The following SKAP1 variants were observed in gnomAD, a reference collection of about 807,000 sequenced individuals.
SKAP1 encodes src kinase-associated phosphoprotein 1.
A neutral mutation model predicts 58.5 loss-of-function variants in SKAP1; 44 were observed. The ratio of observed to expected loss-of-function variants is 0.75; its 90% CI spans 0.59 to 0.97. SKAP1 has a LOEUF of 0.97. Among genes scored for constraint, SKAP1 ranks in the 50% least tolerant of loss-of-function variants. SKAP1 has a pLI of 0.00. For synonymous variants in SKAP1, 127 were observed against 149.7 expected (o/e 0.85, Z 1.11); for missense variants, 390 against 435.2 (o/e 0.90, Z 0.92).
intron 4 of SKAP1, among the ~76,000 whole-genome samples, chr17:48,271,362 C>CTTTTTTTTTT (rs35447830): frequency 2.5e-4 from 27 of 106,266 alleles, no homozygotes; most frequent in South Asian, 6.5e-4. Context: ...TTCTTTGTTT[C>CTTTTTTTTTT]TTTTTTTTTT....
chr17:48,189,486 C>T lies in SKAP1; in HGVS notation c.295G>A (p.Val99Ile), dbSNP rs748263980. ...TTATCAAGTTCTTGAGCTCCTTTTA[C>T]GATGTCTTCCATTCCTAAAAGGACC... ...DYQDEGMEDI[V>I]KGAQELDNVI... Residue 99 changes from valine to isoleucine, a missense_variant, in exon 5 of 13, where the codon GTA (valine) becomes ATA (isoleucine). By Grantham distance (29) the Val-to-Ile change is conservative. Transcript: ENST00000336915. 3.7e-6 allele frequency: 6 copies of T among 1,612,566 alleles called. No individual in the cohort carries two copies. The highest frequency in any genetic ancestry group is 1.7e-4 in the Middle Eastern group (1 of 6,056).
chr17:48,424,628 G>T (rs1047340454), intron 1 of SKAP1, among the ~76,000 whole-genome samples: 3 of 151,768 alleles, frequency 2.0e-5, no homozygotes, highest in Middle Eastern at 3.4e-3. Flanking sequence ...GAGCATAGCC[G>T]TGATCTAAGA....
the SKAP1 span, among the ~76,000 whole-genome samples, chr17:48,436,678 C>T: frequency 6.6e-6 from 1 of 152,118 alleles, no homozygotes; most frequent in Non-Finnish European, 1.5e-5. Flanking sequence ...TTTCACCCCT[C>T]TACCTCCTCC....
At chr17:48,374,486 C>T (rs2067128906) in intron 2 of SKAP1, among the ~76,000 whole-genome samples, 1 of 152,202 alleles carries the variant, frequency 6.6e-6, no homozygotes, top group African/African-American at 2.4e-5. Flanking sequence ...AAGGCTAACA[C>T]TGAAGAGTTA....
chr17:48,289,590 C>T (rs767234614), intron 4 of SKAP1, among the ~76,000 whole-genome samples: 7 of 151,870 alleles, frequency 4.6e-5, no homozygotes, highest in Non-Finnish European at 1.0e-4. Context: ...TGTTAGCTTT[C>T]ATAAAATAAT....
At chr17:48,297,840 G>A (rs1281640789) in intron 4 of SKAP1, among the ~76,000 whole-genome samples, 4 of 152,184 alleles carry the variant, frequency 2.6e-5, no homozygotes, top group African/African-American at 9.6e-5. Context: ...AAACAGGGCT[G>A]GCTTCAGAAA....
At chr17:48,343,343 A>G (rs540697189) in intron 4 of SKAP1, among the ~76,000 whole-genome samples, 102 of 152,342 alleles carry the variant, frequency 6.7e-4, no homozygotes, top group African/African-American at 2.2e-3. Flanking sequence ...CTTTAATTTC[A>G]CAGGAAATGT....
intron 4 of SKAP1, among the ~76,000 whole-genome samples, chr17:48,221,567 G>C (rs569571823): frequency 1.3e-5 from 2 of 152,246 alleles, no homozygotes; most frequent in African/African-American, 2.4e-5. Context: ...ATGGTGTTTT[G>C]GTTTAAACCT....
chr17:48,136,299 G>A (rs541574104), intron 12 of SKAP1, among the ~76,000 whole-genome samples: 134 of 151,834 alleles, frequency 8.8e-4, no homozygotes, highest in African/African-American at 3.1e-3. Context: ...AGCCTCCTGA[G>A]TAGCTAGGAT....
chr17:48,333,415 TG>T (rs1209671817), intron 4 of SKAP1, among the ~76,000 whole-genome samples: 1 of 152,212 alleles, frequency 6.6e-6, no homozygotes, highest in Admixed American at 6.5e-5. Flanking sequence ...CATTTATTTT[TG>T]CCAGATCTAG....
At chr17:48,233,298 T>G (rs1169166570) in intron 4 of SKAP1, among the ~76,000 whole-genome samples, 1 of 152,146 alleles carries the variant, frequency 6.6e-6, no homozygotes, top group Non-Finnish European at 1.5e-5. Flanking sequence ...GTTTCAATGT[T>G]CAGTTGAGAT....
the SKAP1 span, among the ~76,000 whole-genome samples, chr17:48,442,858 C>G: frequency 6.6e-6 from 1 of 152,138 alleles, no homozygotes; most frequent in Admixed American, 6.5e-5. Flanking sequence ...CTGCCCATGC[C>G]TCTTTCCTAA....
At chr17:48,162,242 A>G (rs1567800112) in intron 11 of SKAP1, among the ~76,000 whole-genome samples, 1 of 152,250 alleles carries the variant, frequency 6.6e-6, no homozygotes, top group Non-Finnish European at 1.5e-5. Context: ...CTAGGATTGC[A>G]GGCGTGAGCC....
At chr17:48,196,395 T>C (rs1044209402) in intron 4 of SKAP1, among the ~76,000 whole-genome samples, 5 of 152,244 alleles carry the variant, frequency 3.3e-5, no homozygotes, top group African/African-American at 1.2e-4. Context: ...GGTTTTATTT[T>C]ATTTTTATGT....
intron 11 of SKAP1, among the ~76,000 whole-genome samples, chr17:48,137,616 G>A (rs2063717274): frequency 6.6e-6 from 1 of 152,108 alleles, no homozygotes; most frequent in African/African-American, 2.4e-5. Flanking sequence ...CAAGCCGAAT[G>A]GTATGGCTTC....
Position 48,430,056 on chromosome 17 carries a change from G to A in SKAP1, c.46+19C>T. Reference sequence around the variant, plus strand: ...GGCCTTCGGCTCAGCACTGGAGGGGGCCTGCGCCAGGGCGTTACCTTCCAG... The same window carrying A: ...GGCCTTCGGCTCAGCACTGGAGGGGACCTGCGCCAGGGCGTTACCTTCCAG... On this transcript the variant is annotated intron_variant, in intron 1 of 12. Transcript: ENST00000336915. 1 of 1,262,700 alleles carries A rather than the reference G, an allele frequency of 7.9e-7. No homozygotes were observed. Among genetic ancestry groups the A allele is most frequent in the Non-Finnish European group, 1.0e-6 (1 of 996,322 alleles). The allele number at this position is 1,262,700 out of a possible 1,614,324, so 78.2% of individuals were successfully genotyped here.
intron 2 of SKAP1, among the ~76,000 whole-genome samples, chr17:48,395,350 A>G (rs6504210): frequency 0.62 from 93,914 of 151,994 alleles, 29,772 homozygotes; most frequent in African/African-American, 0.76. Flanking sequence ...CAGTAAAAGT[A>G]TTTTTGCATT....
At chr17:48,406,818 G>A (rs920817979) in intron 1 of SKAP1, among the ~76,000 whole-genome samples, 1 of 151,920 alleles carries the variant, frequency 6.6e-6, no homozygotes, top group Non-Finnish European at 1.5e-5. Context: ...CGCCCGCCTC[G>A]GCCTCCCAAA....
chr17:48,147,519 C>T lies in SKAP1; in HGVS notation c.979-10182G>A, dbSNP rs771502680. Among the ~76,000 whole-genome samples the T allele has an allele frequency of 8.4e-4, 128 of 152,152 alleles. 1 individual carries two copies. Among genetic ancestry groups the T allele is most frequent in the Non-Finnish European group, 2.9e-4 (20 of 68,040 alleles). On this transcript the variant is annotated intron_variant, in intron 11 of 12. Transcript: ENST00000336915. ...GGGCTCCAAATCAGCATCCTTCTAA[C>T]TGCCGAGAAAAACAAGGCTGGGAAC...
Sources: gnomAD v4.1 joint callset for allele counts (sites outside exome capture counted in the v4.1 genomes callset) on GRCh38, gnomAD v4.1.1 for gene constraint, MANE v1.5 for transcripts, NCBI Gene and HGNC (gene_info 2026-07-23, HGNC 2026-07-21) for gene names.